FARP1: variants seen among roughly 807,000 people sequenced by gnomAD.
FARP1 encodes the protein FERM, ARHGEF and pleckstrin domain-containing protein 1.
FARP1 carries 52 observed loss-of-function variants against 128.8 expected under a neutral mutation model. The ratio of observed to expected loss-of-function variants is 0.40; its 90% CI spans 0.32 to 0.51. FARP1 has a LOEUF of 0.51. Ranked by LOEUF, FARP1 falls within the 20% of genes least tolerant of loss-of-function variation. The pLI is 0.45. For synonymous variants in FARP1, 580 were observed against 551.8 expected, an observed-to-expected ratio of 1.05 and a Z score of -0.72; for missense variants, 1,333 against 1,367.9, an observed-to-expected ratio of 0.97 and a Z score of 0.40.
chr13:98,184,220 C>G (rs1260275582), intron 1 of FARP1, among the ~76,000 whole-genome samples: 1 of 151,854 alleles, frequency 6.6e-6, no homozygotes, highest in African/African-American at 2.4e-5. Flanking sequence ...TGGGTTCAAG[C>G]GATTCTCCTG....
intron 2 of FARP1, among the ~76,000 whole-genome samples, chr13:98,263,924 G>T (rs537603853): frequency 1.3e-5 from 2 of 151,990 alleles, no homozygotes; most frequent in Non-Finnish European, 2.9e-5. Context: ...TGTTATAACC[G>T]TTGGAGCATC....
Position 98,388,491 on chromosome 13 carries a change from G to A in FARP1, c.855+13G>A, listed in dbSNP as rs752140822. 5.6e-5 allele frequency: 90 copies of A among 1,598,852 alleles called. No homozygotes were observed. Among genetic ancestry groups the A allele is most frequent in the Non-Finnish European group, 5.8e-5 (68 of 1,166,230 alleles). Reference sequence around the variant, plus strand: ...GCCAGATGCCAATGTAAGTGGTCCTGGCGGGAAAGGGGACCCGTTGAGCCA... The same window carrying A: ...GCCAGATGCCAATGTAAGTGGTCCTAGCGGGAAAGGGGACCCGTTGAGCCA... On this transcript the variant is annotated intron_variant, in intron 9 of 26. Coordinates refer to ENST00000319562, the MANE Select transcript of FARP1 (RefSeq NM_005766.4).
At position 98,453,262 on chromosome 13, in the gene FARP1, G is replaced by T; in HGVS notation, c.*4945G>T. ...AACACATGTCATTTCTCATCCCTGT[G>T]CAAAAATTCATATAGTAACCAAAAT... On this transcript the variant is annotated 3_prime_UTR_variant, in exon 27 of 27. Coordinates refer to ENST00000319562, the MANE Select transcript of FARP1 (RefSeq NM_005766.4). 6.4e-7 allele frequency: 1 copy of T among 1,572,720 alleles called. No homozygotes were observed. The highest frequency in any genetic ancestry group is 2.3e-5 in the East Asian group (1 of 43,994).
chr13:98,409,634 C>A, intron 14 of FARP1, 109 bp downstream of exon 14: 1 of 1,011,098 alleles, frequency 9.9e-7, no homozygotes, highest in Non-Finnish European at 1.4e-6. Context: ...ACCATGTGAG[C>A]CATTTTCAAG....
chr13:98,260,108 A>G (rs1333200005), intron 2 of FARP1, among the ~76,000 whole-genome samples: 2 of 152,168 alleles, frequency 1.3e-5, no homozygotes, highest in Non-Finnish European at 2.9e-5. Context: ...TTCTAGAATA[A>G]GTAAGCCTTA....
At chr13:98,257,726 C>T (rs897554904) in intron 2 of FARP1, among the ~76,000 whole-genome samples, 7 of 152,088 alleles carry the variant, frequency 4.6e-5, no homozygotes, top group Non-Finnish European at 7.4e-5. Context: ...GCCGAGATTG[C>T]ACCACTGCAC....
chr13:98,215,816 G>A (rs1881028298), intron 2 of FARP1, among the ~76,000 whole-genome samples: 1 of 151,482 alleles, frequency 6.6e-6, no homozygotes, highest in Non-Finnish European at 1.5e-5. Context: ...TTTTGAGACG[G>A]AGTCTTGCTG....
chr13:98,296,865 T>C (rs1885719752), intron 2 of FARP1, among the ~76,000 whole-genome samples: 1 of 152,028 alleles, frequency 6.6e-6, no homozygotes, highest in Admixed American at 6.6e-5. Context: ...TTGTATTTTT[T>C]GTGGGGACAA....
chr13:98,430,256 A>T (rs894467795), intron 17 of FARP1, among the ~76,000 whole-genome samples: 3 of 152,214 alleles, frequency 2.0e-5, no homozygotes, highest in African/African-American at 7.2e-5. Context: ...TGTCACAAAA[A>T]ATAAAAATTC....
intron 2 of FARP1, among the ~76,000 whole-genome samples, chr13:98,311,319 C>T (rs942594061): frequency 4.6e-5 from 7 of 152,146 alleles, no homozygotes; most frequent in Admixed American, 4.6e-4. Flanking sequence ...GATTTAATCC[C>T]AGGTTTTTTT....
At chr13:98,173,798 G>A (rs1322481810) in intron 1 of FARP1, among the ~76,000 whole-genome samples, 3 of 152,196 alleles carry the variant, frequency 2.0e-5, no homozygotes, top group South Asian at 2.1e-4. Flanking sequence ...ATAAAGTGCC[G>A]GTAACCACGG....
At chr13:98,436,887 A>T (rs1290702633) in intron 19 of FARP1, among the ~76,000 whole-genome samples, 1 of 152,248 alleles carries the variant, frequency 6.6e-6, no homozygotes. Flanking sequence ...CTCATGCTAC[A>T]TGGTGAACAG....
chr13:98,403,152 A>G (rs1442353623), intron 13 of FARP1: 2 of 150,846 alleles, frequency 1.3e-5, no homozygotes, highest in Non-Finnish European at 2.9e-5. Flanking sequence ...CCTCTAGAAT[A>G]CAGTGATCCT....
At chr13:98,244,544 G>A in intron 2 of FARP1, 1 of 1,614,146 alleles carries the variant, frequency 6.2e-7, no homozygotes, top group Non-Finnish European at 8.5e-7. Flanking sequence ...GGACGGGTTG[G>A]GTACTGAGAT....
At chr13:98,304,080 T>A (rs558312533) in intron 2 of FARP1, among the ~76,000 whole-genome samples, 2 of 152,282 alleles carry the variant, frequency 1.3e-5, no homozygotes, top group Admixed American at 1.3e-4. Context: ...GCGAGGTTGC[T>A]GAGAGTCACT....
chr13:98,177,622 G>T lies in FARP1; in HGVS notation c.-24+34130G>T, dbSNP rs558282290. On this transcript the variant is annotated intron_variant, in intron 1 of 26. Transcript: ENST00000319562. ...AGATCACGCCACTGTACTCTAGCCT[G>T]GGTGACAGAGCGAGACCCTGTCTCA... Among the ~76,000 whole-genome samples, 757 of 151,762 alleles carry T rather than the reference G, an allele frequency of 5.0e-3. 10 individuals are homozygous for T. The highest frequency in any genetic ancestry group is 0.018 in the African/African-American group (741 of 41,356).
At chr13:98,240,148 C>T (rs1882680251) in intron 2 of FARP1, among the ~76,000 whole-genome samples, 1 of 152,166 alleles carries the variant, frequency 6.6e-6, no homozygotes. Flanking sequence ...ACGCCTGTGG[C>T]CAGTGGCTGG....
intron 17 of FARP1, among the ~76,000 whole-genome samples, chr13:98,426,687 C>G (rs1891802351): frequency 6.6e-6 from 1 of 152,118 alleles, no homozygotes; most frequent in Admixed American, 6.5e-5. Flanking sequence ...AAACAGCAAC[C>G]CTTTGCAATT....
At chr13:98,385,591 AG>A (rs1890065383) in intron 7 of FARP1, 75 bp from the exon 8 acceptor site, 1 of 1,514,672 alleles carries the variant, frequency 6.6e-7, no homozygotes. Context: ...TCCCAGGAGA[AG>A]CTTCTTAATC....
Sources: gnomAD v4.1 joint callset for allele counts (sites outside exome capture counted in the v4.1 genomes callset) on GRCh38, gnomAD v4.1.1 for gene constraint, MANE v1.5 for transcripts, NCBI Gene and HGNC (gene_info 2026-07-23, HGNC 2026-07-21) for gene names.